The following RALGAPA2 variants were observed in gnomAD, a reference collection of about 807,000 sequenced individuals.
The protein encoded by RALGAPA2 is Ral GTPase activating protein catalytic subunit alpha 2.
RALGAPA2 carries 139 observed loss-of-function variants against 230.4 expected under a neutral mutation model. That is an observed-to-expected ratio of 0.60 (90% confidence interval 0.53 to 0.69). The LOEUF (loss-of-function observed/expected upper bound fraction) is 0.69. RALGAPA2 is among the 30% of genes least tolerant of loss of function. The pLI, the probability that RALGAPA2 is intolerant of heterozygous loss-of-function variation, is 0.00. For missense variants in RALGAPA2, 2,163 were observed against 2,276.0 expected, an observed-to-expected ratio of 0.95 and a Z score of 1.01; for synonymous variants, 847 against 837.8, an observed-to-expected ratio of 1.01 and a Z score of -0.19.
intron 38 of RALGAPA2, among the ~76,000 whole-genome samples, chr20:20,406,168 C>CA: frequency 6.6e-6 from 1 of 151,970 alleles, no homozygotes; most frequent in East Asian, 1.9e-4. Flanking sequence ...TCAGTTTTTT[C>CA]TTTTTTTTCT....
intron 37 of RALGAPA2, among the ~76,000 whole-genome samples, chr20:20,435,684 T>C (rs982370468): frequency 2.0e-5 from 3 of 152,186 alleles, no homozygotes; most frequent in African/African-American, 7.2e-5. Flanking sequence ...GTGTGATTTT[T>C]AGCAAAGAAG....
intron 20 of RALGAPA2, among the ~76,000 whole-genome samples, chr20:20,573,899 C>T (rs2064735558): frequency 6.6e-6 from 1 of 152,170 alleles, no homozygotes; most frequent in Non-Finnish European, 1.5e-5. Flanking sequence ...TATAAACATT[C>T]ATGTACAAGC....
chr20:20,664,489 C>T lies in RALGAPA2; in HGVS notation c.271-10902G>A, dbSNP rs766596394. ...TACCCATAATATGTGGGTTTTGCCCCGAATAAAGCATTCACTAAAACAGAT... is the reference window on the plus strand; with the variant it reads ...TACCCATAATATGTGGGTTTTGCCCTGAATAAAGCATTCACTAAAACAGAT... On this transcript the variant is annotated intron_variant, in intron 3 of 39. Coordinates refer to ENST00000202677, the MANE Select transcript of RALGAPA2 (RefSeq NM_020343.4). Among the ~76,000 whole-genome samples the T allele has an allele frequency of 2.0e-5, 3 of 151,988 alleles. No homozygotes were observed. The East Asian group carries it at 5.8e-4, about 29-fold the overall frequency.
chr20:20,478,006 C>G (rs1465199597), intron 36 of RALGAPA2, among the ~76,000 whole-genome samples: 1 of 152,176 alleles, frequency 6.6e-6, no homozygotes, highest in Non-Finnish European at 1.5e-5. Context: ...TTGCTGGCCT[C>G]TCTTCTAGGT....
chr20:20,599,346 C>T (rs1220902849), intron 16 of RALGAPA2, among the ~76,000 whole-genome samples: 2 of 152,134 alleles, frequency 1.3e-5, no homozygotes, highest in Non-Finnish European at 1.5e-5. Context: ...GGTAAAATCT[C>T]CATGAAACCC....
intron 12 of RALGAPA2, among the ~76,000 whole-genome samples, chr20:20,618,017 T>C (rs777793485): frequency 6.6e-6 from 1 of 152,144 alleles, no homozygotes; most frequent in Non-Finnish European, 1.5e-5. Flanking sequence ...TTAAGCAAGA[T>C]ATAAAAAAAT....
chr20:20,442,790 C>T (rs183853586), intron 37 of RALGAPA2, among the ~76,000 whole-genome samples: 107 of 152,302 alleles, frequency 7.0e-4, no homozygotes, highest in Middle Eastern at 3.4e-3. Flanking sequence ...CACTTCTGTA[C>T]GAACAGACAG....
chr20:20,425,051 C>T (rs116608118), intron 37 of RALGAPA2, among the ~76,000 whole-genome samples: 1,853 of 152,254 alleles, frequency 0.012, 42 homozygotes, highest in African/African-American at 0.042. Flanking sequence ...AAGGCAAAAG[C>T]GACTTTCATT....
Position 20,430,254 on chromosome 20 carries a change from T to C in RALGAPA2, c.5496-18106A>G, listed in dbSNP as rs373501536. On this transcript the variant is annotated intron_variant, in intron 37 of 39. Coordinates refer to ENST00000202677, the MANE Select transcript of RALGAPA2 (RefSeq NM_020343.4). ...GGGAGCAGCTGGCAAAACAGCAACGTGGAGTAGAGCCCTGGCATTCCAGAG... is the reference window on the plus strand; with the variant it reads ...GGGAGCAGCTGGCAAAACAGCAACGCGGAGTAGAGCCCTGGCATTCCAGAG... 3.9e-5 allele frequency among the ~76,000 whole-genome samples: 6 copies of C among 152,186 alleles called. No individual in the cohort carries two copies. The East Asian group carries it at 7.7e-4, about 20-fold the overall frequency.
At chr20:20,571,098 T>G (rs1183446908) in intron 23 of RALGAPA2, among the ~76,000 whole-genome samples, 3 of 152,226 alleles carry the variant, frequency 2.0e-5, no homozygotes, top group African/African-American at 7.2e-5. Context: ...TTTCAAACAT[T>G]TTTAAATGAT....
At chr20:20,665,261 A>T (rs931933221) in intron 3 of RALGAPA2, among the ~76,000 whole-genome samples, 4 of 152,202 alleles carry the variant, frequency 2.6e-5, no homozygotes, top group Non-Finnish European at 4.4e-5. Flanking sequence ...TCTGCCCTTA[A>T]AAGATTCTTG....
intron 32 of RALGAPA2, among the ~76,000 whole-genome samples, chr20:20,512,246 C>CACACACAT (rs1556256398): frequency 1.1e-4 from 16 of 151,384 alleles, no homozygotes; most frequent in African/African-American, 3.9e-4. Context: ...CACATACACA[C>CACACACAT]ACACACACAC....
intron 1 of RALGAPA2, among the ~76,000 whole-genome samples, chr20:20,710,948 ATGCAACCTGTGTATTG>A (rs904098928): frequency 3.3e-5 from 5 of 152,192 alleles, no homozygotes; most frequent in Non-Finnish European, 7.3e-5. Context: ...ACTCCACACA[ATGCAACCTGTGTATTG>A]TGCAACCTGT....
chr20:20,582,901 T>C (rs2065027723), intron 20 of RALGAPA2, 149 bp downstream of exon 20: 2 of 770,820 alleles, frequency 2.6e-6, no homozygotes, highest in African/African-American at 1.8e-5. Context: ...ATGAATACCA[T>C]CACTTCCTCC....
At chr20:20,427,435 C>T (rs2060408762) in intron 37 of RALGAPA2, among the ~76,000 whole-genome samples, 1 of 151,986 alleles carries the variant, frequency 6.6e-6, no homozygotes, top group Non-Finnish European at 1.5e-5. Context: ...CACAGCACAT[C>T]AGCCCTGCGT....
chr20:20,605,479 A>T, intron 14 of RALGAPA2, 67 bp from the exon 15 acceptor site: 1 of 1,169,088 alleles, frequency 8.6e-7, no homozygotes, highest in Non-Finnish European at 1.2e-6. Flanking sequence ...TTTTAAACAA[A>T]ATGTTTTAAA....
intron 37 of RALGAPA2, among the ~76,000 whole-genome samples, chr20:20,418,703 G>A (rs951303531): frequency 2.6e-5 from 4 of 151,884 alleles, no homozygotes; most frequent in Non-Finnish European, 5.9e-5. Context: ...GCCAGTCACC[G>A]AAGGACACAT....
At chr20:20,546,942 G>T in intron 23 of RALGAPA2, 110 bp from the exon 24 acceptor site, 1 of 1,155,020 alleles carries the variant, frequency 8.7e-7, no homozygotes. Context: ...AGAGAGCACA[G>T]ATTACAGAAA....
intron 37 of RALGAPA2, among the ~76,000 whole-genome samples, chr20:20,456,865 C>T (rs2061134142): frequency 6.6e-6 from 1 of 151,898 alleles, no homozygotes; most frequent in South Asian, 2.1e-4. Flanking sequence ...ACAGTGTCTG[C>T]AGGCTATTCA....
Sources: gnomAD v4.1 joint callset for allele counts (sites outside exome capture counted in the v4.1 genomes callset) on GRCh38, gnomAD v4.1.1 for gene constraint, MANE v1.5 for transcripts, NCBI Gene and HGNC (gene_info 2026-07-23, HGNC 2026-07-21) for gene names.